The following SPIDR variants were observed in gnomAD, a reference collection of about 807,000 sequenced individuals.
The protein encoded by SPIDR is scaffold protein involved in DNA repair.
Under a neutral mutation model 104.6 loss-of-function variants are expected in SPIDR, and 93 were observed. That is an observed-to-expected ratio of 0.89 (90% confidence interval 0.75 to 1.06). SPIDR has a LOEUF of 1.06. SPIDR is among the 50% of genes least tolerant of loss of function. SPIDR has a pLI of 0.00. For synonymous variants in SPIDR, 431 were observed against 416.9 expected (o/e 1.03, Z -0.41); for missense variants, 1,154 against 1,111.2 (o/e 1.04, Z -0.55).
intron 8 of SPIDR, among the ~76,000 whole-genome samples, chr8:47,445,286 AATT>A (rs1194717831): frequency 1.3e-5 from 2 of 152,170 alleles, no homozygotes; most frequent in East Asian, 3.8e-4. Flanking sequence ...GAGTTTTCAT[AATT>A]ATTATCTATT....
intron 8 of SPIDR, among the ~76,000 whole-genome samples, chr8:47,534,776 T>A (rs1016341356): frequency 2.7e-5 from 4 of 150,772 alleles, no homozygotes; most frequent in Admixed American, 6.6e-5. Flanking sequence ...CTCTCAAACC[T>A]AAAATAAAGG....
intron 8 of SPIDR, among the ~76,000 whole-genome samples, chr8:47,561,476 A>G (rs550326088): frequency 1.8e-4 from 27 of 152,286 alleles, no homozygotes; most frequent in African/African-American, 6.3e-4. Context: ...CAGATTTCAC[A>G]TACTTTTCTC....
chr8:47,391,732 C>T (rs1373069277), intron 5 of SPIDR, among the ~76,000 whole-genome samples: 1 of 151,948 alleles, frequency 6.6e-6, no homozygotes, highest in African/African-American at 2.4e-5. Flanking sequence ...CGTGGTGGCT[C>T]ACGCCTGTAA....
At chr8:47,706,505 G>C (rs1395350460) in intron 14 of SPIDR, among the ~76,000 whole-genome samples, 1 of 152,178 alleles carries the variant, frequency 6.6e-6, no homozygotes, top group African/African-American at 2.4e-5. Flanking sequence ...ATGTGTGCGT[G>C]CACTTCTTGC....
intron 6 of SPIDR, among the ~76,000 whole-genome samples, chr8:47,397,961 C>CAGTGGAGGAAAG (rs1563845912): frequency 6.6e-6 from 1 of 152,080 alleles, no homozygotes; most frequent in African/African-American, 2.4e-5. Context: ...AGGAGAGCCC[C>CAGTGGAGGAAAG]AGCTTGAAGA....
intron 5 of SPIDR, among the ~76,000 whole-genome samples, chr8:47,348,304 T>C (rs2052610676): frequency 6.6e-6 from 1 of 152,222 alleles, no homozygotes; most frequent in Non-Finnish European, 1.5e-5. Context: ...GCAGAGTGTC[T>C]GCCGAGATAT....
At chr8:47,650,421 A>G (rs919306888) in intron 10 of SPIDR, among the ~76,000 whole-genome samples, 6 of 152,196 alleles carry the variant, frequency 3.9e-5, no homozygotes, top group Non-Finnish European at 7.3e-5. Context: ...AGATAAAGAG[A>G]ACCGGAAAAC....
intron 5 of SPIDR, among the ~76,000 whole-genome samples, chr8:47,346,893 C>CA (rs1481302529): frequency 1.3e-5 from 2 of 151,752 alleles, no homozygotes; most frequent in Admixed American, 1.3e-4. Flanking sequence ...CTGATCTTTT[C>CA]AAAAAAACAG....
chr8:47,615,798 T>C (rs1358383704), intron 10 of SPIDR, among the ~76,000 whole-genome samples: 2 of 152,204 alleles, frequency 1.3e-5, no homozygotes, highest in Non-Finnish European at 1.5e-5. Context: ...CTTAATAATA[T>C]TCAGTTTTTC....
intron 10 of SPIDR, among the ~76,000 whole-genome samples, chr8:47,647,350 C>T (rs544036058): frequency 7.1e-4 from 108 of 152,310 alleles, no homozygotes; most frequent in African/African-American, 2.5e-3. Context: ...CGCAGTGGCT[C>T]ACGCCTGTAA....
intron 5 of SPIDR, among the ~76,000 whole-genome samples, chr8:47,317,214 G>T (rs1175191535): frequency 6.6e-6 from 1 of 152,122 alleles, no homozygotes; most frequent in East Asian, 1.9e-4. Flanking sequence ...TGGAGAAAGG[G>T]ATGACAGATG....
At chr8:47,694,603 G>C (rs577812957) in intron 11 of SPIDR, among the ~76,000 whole-genome samples, 1 of 152,092 alleles carries the variant, frequency 6.6e-6, no homozygotes, top group African/African-American at 2.4e-5. Context: ...ACCCCATCCT[G>C]TACGAAAAAT....
intron 3 of SPIDR, among the ~76,000 whole-genome samples, chr8:47,286,521 C>T (rs2038881023): frequency 6.6e-6 from 1 of 152,178 alleles, no homozygotes; most frequent in Non-Finnish European, 1.5e-5. Context: ...CTGCAGTGTG[C>T]TGTGATCATG....
At chr8:47,589,039 T>G (rs1236077810) in intron 8 of SPIDR, among the ~76,000 whole-genome samples, 1 of 150,000 alleles carries the variant, frequency 6.7e-6, no homozygotes. Flanking sequence ...TTTTTTTTTT[T>G]TTTTGTACTG....
At chr8:47,284,229 A>G (rs1236409803) in intron 3 of SPIDR, 135 bp downstream of exon 3, 3 of 631,454 alleles carry the variant, frequency 4.8e-6, no homozygotes, top group Middle Eastern at 3.5e-4. Flanking sequence ...AAACATCAAG[A>G]TAAGGTAAAA....
At chr8:47,468,026 C>A (rs1203406437) in intron 8 of SPIDR, among the ~76,000 whole-genome samples, 1 of 152,138 alleles carries the variant, frequency 6.6e-6, no homozygotes, top group Non-Finnish European at 1.5e-5. Flanking sequence ...GATGCAAAAT[C>A]AGTGCGCAAA....
intron 8 of SPIDR, among the ~76,000 whole-genome samples, chr8:47,461,376 G>C (rs1380240919): frequency 3.3e-5 from 5 of 152,148 alleles, no homozygotes; most frequent in Non-Finnish European, 4.4e-5. Context: ...CCAGGCTGGA[G>C]TGCAGTGGCA....
At chr8:47,350,464 C>T (rs945699345) in intron 5 of SPIDR, among the ~76,000 whole-genome samples, 4 of 152,118 alleles carry the variant, frequency 2.6e-5, no homozygotes, top group Non-Finnish European at 5.9e-5. Context: ...CAGGCGTGTG[C>T]CACCATGCCT....
At chr8:47,563,037 C>CTTTTTT (rs75347314) in intron 8 of SPIDR, among the ~76,000 whole-genome samples, 1 of 134,884 alleles carries the variant, frequency 7.4e-6, no homozygotes, top group African/African-American at 2.7e-5. Flanking sequence ...ACTCTTTTCT[C>CTTTTTT]TTTTTTTTTT....
Sources: allele counts gnomAD v4.1 joint callset (sites outside exome capture counted in the v4.1 genomes callset), GRCh38; gene constraint gnomAD v4.1.1; transcripts MANE v1.5; gene names NCBI Gene and HGNC (gene_info 2026-07-23, HGNC 2026-07-21).